The following KLHL1 variants were observed in gnomAD, a reference collection of about 807,000 sequenced individuals.
KLHL1 encodes the protein kelch like family member 1, also known as kelch-like protein 1.
A neutral mutation model predicts 77.7 loss-of-function variants in KLHL1; 47 were observed. The ratio of observed to expected loss-of-function variants is 0.60; its 90% CI spans 0.48 to 0.77. The LOEUF is 0.77. Among genes scored for constraint, KLHL1 ranks in the 30% least tolerant of loss-of-function variants. The pLI is 0.00. For synonymous variants in KLHL1, 360 were observed against 325.2 expected (o/e 1.11, Z -1.15); for missense variants, 925 against 910.8 (o/e 1.02, Z -0.20).
chr13:69,908,625 CAT>C (rs1391328033), intron 4 of KLHL1, among the ~76,000 whole-genome samples: 1 of 150,936 alleles, frequency 6.6e-6, no homozygotes, highest in Non-Finnish European at 1.5e-5. Flanking sequence ...TGAATTATTG[CAT>C]ATGTTTTCAA....
chr13:69,886,385 T>G (rs1434575055), intron 4 of KLHL1, among the ~76,000 whole-genome samples: 1 of 152,000 alleles, frequency 6.6e-6, no homozygotes, highest in Admixed American at 6.6e-5. Context: ...CCAGTTTTTT[T>G]TTTGTTTGTT....
chr13:70,101,087 G>T (rs1026920729), intron 1 of KLHL1, among the ~76,000 whole-genome samples: 3 of 152,020 alleles, frequency 2.0e-5, no homozygotes, highest in Non-Finnish European at 4.4e-5. Context: ...CTTGTAAAAA[G>T]AAACCAACAA....
intron 1 of KLHL1, among the ~76,000 whole-genome samples, chr13:70,061,336 T>A (rs1011289795): frequency 8.4e-6 from 1 of 119,146 alleles, no homozygotes; most frequent in Non-Finnish European, 2.1e-5. Context: ...CAGTCCTGAA[T>A]TCCATTTTTT....
chr13:69,757,130 GA>G (rs1262242390), intron 7 of KLHL1, among the ~76,000 whole-genome samples: 1 of 152,036 alleles, frequency 6.6e-6, no homozygotes, highest in Non-Finnish European at 1.5e-5. Flanking sequence ...AAATCTTTTA[GA>G]AACCTACATT....
At chr13:70,040,760 CT>C (rs1274682778) in intron 1 of KLHL1, among the ~76,000 whole-genome samples, 1 of 151,952 alleles carries the variant, frequency 6.6e-6, no homozygotes, top group Non-Finnish European at 1.5e-5. Context: ...TATTTGTGAT[CT>C]TTGTTTTGTT....
At chr13:69,917,113 TG>T (rs1882471867) in intron 4 of KLHL1, among the ~76,000 whole-genome samples, 1 of 152,016 alleles carries the variant, frequency 6.6e-6, no homozygotes, top group Admixed American at 6.6e-5. Flanking sequence ...CACAGATTTG[TG>T]GGGAGCGCTT....
intron 3 of KLHL1, among the ~76,000 whole-genome samples, 174 bp downstream of exon 3, chr13:69,961,134 T>C (rs556993407): frequency 1.3e-5 from 2 of 152,060 alleles, no homozygotes; most frequent in African/African-American, 4.8e-5. Flanking sequence ...TGTATACATA[T>C]ATACATTTGT....
intron 7 of KLHL1, among the ~76,000 whole-genome samples, chr13:69,747,458 T>A (rs972109725): frequency 1.3e-5 from 2 of 152,066 alleles, no homozygotes; most frequent in Non-Finnish European, 2.9e-5. Context: ...CATGGTATTA[T>A]GATGAAGATG....
At chr13:70,025,636 AC>A (rs1885921625) in intron 1 of KLHL1, among the ~76,000 whole-genome samples, 1 of 151,702 alleles carries the variant, frequency 6.6e-6, no homozygotes, top group Non-Finnish European at 1.5e-5. Flanking sequence ...TGAATTCAGA[AC>A]ATAGTCACAA....
intron 5 of KLHL1, among the ~76,000 whole-genome samples, chr13:69,865,671 A>G (rs1880342100): frequency 6.6e-6 from 1 of 152,128 alleles, no homozygotes; most frequent in Non-Finnish European, 1.5e-5. Context: ...GGAGATTTAA[A>G]ACATTTTAAA....
In KLHL1 at chr13:70,092,367, A is replaced by T. The variant is rs570189201; in HGVS notation, c.497+14836T>A. Among the ~76,000 whole-genome samples, 4 of 152,138 alleles carry T rather than the reference A, an allele frequency of 2.6e-5. No individual in the cohort carries two copies. The South Asian group carries it at 8.3e-4, about 32-fold the overall frequency. On this transcript the variant is annotated intron_variant, in intron 1 of 10. Coordinates refer to ENST00000377844, the MANE Select transcript of KLHL1 (RefSeq NM_020866.3). ...CTATATGACTTTGTTCATGTTGCTT[A>T]CTCCATTTAGAACGTTTGATTCACT...
chr13:69,898,165 C>A (rs1291302724), intron 4 of KLHL1, among the ~76,000 whole-genome samples: 3 of 152,226 alleles, frequency 2.0e-5, no homozygotes, highest in African/African-American at 7.2e-5. Flanking sequence ...CAAATAATTC[C>A]TGCCTAGATG....
chr13:70,064,261 T>C (rs1886956846), intron 1 of KLHL1, among the ~76,000 whole-genome samples: 1 of 152,168 alleles, frequency 6.6e-6, no homozygotes, highest in African/African-American at 2.4e-5. Context: ...CCCTCAGGGA[T>C]TGCAATGTCT....
At chr13:70,034,466 T>A (rs1886190362) in intron 1 of KLHL1, among the ~76,000 whole-genome samples, 1 of 152,196 alleles carries the variant, frequency 6.6e-6, no homozygotes, top group Non-Finnish European at 1.5e-5. Flanking sequence ...ACTCAGCAGT[T>A]AGTGCCCATA....
intron 4 of KLHL1, among the ~76,000 whole-genome samples, chr13:69,914,961 T>A (rs971242604): frequency 7.9e-5 from 12 of 152,220 alleles, no homozygotes; most frequent in Middle Eastern, 3.4e-3. Context: ...TAAACAACAC[T>A]AACATATCAC....
chr13:70,072,771 T>A (rs1182237762), intron 1 of KLHL1, among the ~76,000 whole-genome samples: 1 of 152,008 alleles, frequency 6.6e-6, no homozygotes, highest in Non-Finnish European at 1.5e-5. Flanking sequence ...GCTCAGCTGG[T>A]GCTAAGTGTT....
At chr13:69,879,951 T>C (rs951036876) in intron 5 of KLHL1, among the ~76,000 whole-genome samples, 8 of 152,210 alleles carry the variant, frequency 5.3e-5, no homozygotes, top group African/African-American at 1.9e-4. Flanking sequence ...AATAAATGAA[T>C]GCCTTTAAGT....
intron 8 of KLHL1, among the ~76,000 whole-genome samples, chr13:69,739,390 T>A (rs1873892208): frequency 1.3e-5 from 2 of 152,148 alleles, no homozygotes; most frequent in Non-Finnish European, 1.5e-5. Context: ...AGGATCAAAT[T>A]CACACATAAC....
chr13:70,009,613 G>A lies in KLHL1; in HGVS notation c.498-33811C>T, dbSNP rs139682411. Reference sequence around the variant, plus strand: ...TGAGAGTTGGAAAAGAAGTATGGACGTTGAAATATTGGCTGTGTTACTTAA... The same window carrying A: ...TGAGAGTTGGAAAAGAAGTATGGACATTGAAATATTGGCTGTGTTACTTAA... On this transcript the variant is annotated intron_variant, in intron 1 of 10. Coordinates refer to ENST00000377844, the MANE Select transcript of KLHL1 (RefSeq NM_020866.3). Among the ~76,000 whole-genome samples the A allele has an allele frequency of 3.4e-3, 511 of 152,210 alleles. 3 individuals are homozygous for A. Among genetic ancestry groups the A allele is most frequent in the African/African-American group, 0.012 (481 of 41,552 alleles).
Sources: gnomAD v4.1 joint callset for allele counts (sites outside exome capture counted in the v4.1 genomes callset) on GRCh38, gnomAD v4.1.1 for gene constraint, MANE v1.5 for transcripts, NCBI Gene and HGNC (gene_info 2026-07-23, HGNC 2026-07-21) for gene names.